BMP6: variants seen among roughly 807,000 people sequenced by gnomAD.
The protein encoded by BMP6 is bone morphogenetic protein 6, also known as VG-1-R.
A neutral mutation model predicts 54.1 loss-of-function variants in BMP6; 17 were observed. That is an observed-to-expected ratio of 0.31 (90% CI 0.22 to 0.47). The LOEUF (loss-of-function observed/expected upper bound fraction) is 0.47, where lower values mean the gene tolerates loss of function less well. Ranked by LOEUF, BMP6 falls within the 20% of genes least tolerant of loss-of-function variation. The pLI is 1.00. For synonymous variants in BMP6, 328 were observed against 291.2 expected (o/e 1.13, Z -1.28); for missense variants, 720 against 690.4 (o/e 1.04, Z -0.48).
intron 1 of BMP6, among the ~76,000 whole-genome samples, chr6:7,745,649 T>G (rs1338917101): frequency 6.6e-6 from 1 of 152,166 alleles, no homozygotes; most frequent in Non-Finnish European, 1.5e-5. Flanking sequence ...CCAGTGTTTA[T>G]TGGTCCCTTT....
At chr6:7,753,179 CT>C (rs1246017620) in intron 1 of BMP6, among the ~76,000 whole-genome samples, 2 of 152,210 alleles carry the variant, frequency 1.3e-5, no homozygotes, top group African/African-American at 4.8e-5. Flanking sequence ...GCACCTGCTA[CT>C]TAATTGATCA....
At chr6:7,851,996 G>T (rs953337851) in intron 2 of BMP6, among the ~76,000 whole-genome samples, 1 of 152,078 alleles carries the variant, frequency 6.6e-6, no homozygotes, top group South Asian at 2.1e-4. Flanking sequence ...GATCACCTAT[G>T]GGTCTATTTC....
At position 7,880,414 on chromosome 6, in the gene BMP6, G is replaced by A. The variant is rs767986591; in HGVS notation, c.*71G>A. On this transcript the variant is annotated 3_prime_UTR_variant, in exon 7 of 7. Coordinates refer to ENST00000283147, the MANE Select transcript of BMP6 (RefSeq NM_001718.6). ...GATTACATCTGCCTTAAAAAAACACGGAAGCACAGTTGGAGGTGGGACGAT... is the reference window on the plus strand; with the variant it reads ...GATTACATCTGCCTTAAAAAAACACAGAAGCACAGTTGGAGGTGGGACGAT... The A allele has an allele frequency of 1.5e-5, 24 of 1,586,978 alleles. No individual in the cohort carries two copies. Among genetic ancestry groups the A allele is most frequent in the South Asian group, 8.9e-5 (8 of 89,472 alleles).
chr6:7,746,248 G>A (rs537708196), intron 1 of BMP6, among the ~76,000 whole-genome samples: 1 of 152,268 alleles, frequency 6.6e-6, no homozygotes, highest in East Asian at 1.9e-4. Flanking sequence ...GTAGGCTGAC[G>A]CCAGATGCTG....
At chr6:7,823,972 G>T (rs554021092) in intron 1 of BMP6, among the ~76,000 whole-genome samples, 1 of 152,202 alleles carries the variant, frequency 6.6e-6, no homozygotes, top group African/African-American at 2.4e-5. Context: ...ATTTTAAAAG[G>T]ATCCTTCTGG....
At chr6:7,759,603 A>G (rs532420605) in intron 1 of BMP6, among the ~76,000 whole-genome samples, 1 of 152,064 alleles carries the variant, frequency 6.6e-6, no homozygotes, top group African/African-American at 2.4e-5. Context: ...TAATGAACAC[A>G]TGAGACTAAA....
intron 1 of BMP6, among the ~76,000 whole-genome samples, chr6:7,754,243 G>A (rs183766913): frequency 7.2e-5 from 11 of 151,856 alleles, no homozygotes; most frequent in East Asian, 5.8e-4. Context: ...TCAGCCTCCC[G>A]AGTAGCTGGG....
intron 4 of BMP6, among the ~76,000 whole-genome samples, chr6:7,874,482 G>A (rs1024791552): frequency 2.0e-5 from 3 of 152,162 alleles, no homozygotes; most frequent in Non-Finnish European, 4.4e-5. Context: ...AAGGCCAGGC[G>A]AGGTGGCTCA....
chr6:7,767,865 T>G (rs1243512531), intron 1 of BMP6, among the ~76,000 whole-genome samples: 1 of 152,142 alleles, frequency 6.6e-6, no homozygotes, highest in East Asian at 1.9e-4. Flanking sequence ...TAGCTAGGCC[T>G]TTGGTGAAGT....
chr6:7,824,848 G>A (rs1245810148), intron 1 of BMP6, among the ~76,000 whole-genome samples: 2 of 152,236 alleles, frequency 1.3e-5, no homozygotes, highest in Non-Finnish European at 2.9e-5. Context: ...ATGAGTGTCA[G>A]TGTTTCCAGT....
At chr6:7,828,458 CAT>C (rs1377937765) in intron 1 of BMP6, among the ~76,000 whole-genome samples, 1 of 152,248 alleles carries the variant, frequency 6.6e-6, no homozygotes, top group African/African-American at 2.4e-5. Context: ...CATTTAGACA[CAT>C]GTCCTGCACA....
chr6:7,824,457 C>A (rs184829694), intron 1 of BMP6, among the ~76,000 whole-genome samples: 82 of 152,196 alleles, frequency 5.4e-4, no homozygotes, highest in Non-Finnish European at 4.4e-5. Flanking sequence ...GATTGATAAA[C>A]AATAGAGGGA....
At chr6:7,819,871 A>T (rs552374115) in intron 1 of BMP6, among the ~76,000 whole-genome samples, 1 of 152,338 alleles carries the variant, frequency 6.6e-6, no homozygotes, top group Non-Finnish European at 1.5e-5. Context: ...TGCAGTGAGT[A>T]ATCTTTTAAT....
intron 1 of BMP6, among the ~76,000 whole-genome samples, chr6:7,835,959 C>T (rs1422067537): frequency 1.3e-5 from 2 of 151,988 alleles, no homozygotes; most frequent in East Asian, 1.9e-4. Context: ...GCCTCAGCCT[C>T]GCGAGTAGCC....
intron 1 of BMP6, among the ~76,000 whole-genome samples, chr6:7,804,464 G>A (rs1758317210): frequency 6.6e-6 from 1 of 152,128 alleles, no homozygotes; most frequent in South Asian, 2.1e-4. Context: ...TCAGGACAGA[G>A]TTTTCAGGCA....
intron 4 of BMP6, among the ~76,000 whole-genome samples, chr6:7,866,224 A>G (rs940356207): frequency 6.6e-6 from 1 of 152,202 alleles, no homozygotes; most frequent in Admixed American, 6.5e-5. Flanking sequence ...TAGCCTCTGC[A>G]TGGTATCATT....
rs552759866 is a variant in BMP6 at position 7,861,257 on chromosome 6, C to G, written c.858-194C>G. On this transcript the variant is annotated intron_variant, in intron 2 of 6. Coordinates refer to ENST00000283147, the MANE Select transcript of BMP6 (RefSeq NM_001718.6). ...GAAGCGCCTTATCAGATGTGCCTGT[C>G]TCTCCTAATTGTGTCATGCCTGTGT... Among the ~76,000 whole-genome samples the G allele has an allele frequency of 2.0e-5, 3 of 152,154 alleles. No individual in the cohort carries two copies. In the South Asian group the frequency reaches 6.2e-4, roughly 32 times the overall value.
intron 1 of BMP6, among the ~76,000 whole-genome samples, chr6:7,800,595 G>A (rs2113197154): frequency 6.6e-6 from 1 of 152,048 alleles, no homozygotes; most frequent in East Asian, 1.9e-4. Context: ...AAGCTCTGGG[G>A]GTTTGATTGT....
chr6:7,881,531 AGTTT>A lies in BMP6; in HGVS notation c.*1189_*1192del, dbSNP rs1561802021. ...AAAGACCAGACTTTTAAAAAAAAAG[AGTTT>A]ATTTAGAAAGTATCATAGTGTAAAC... is the stretch of plus-strand genomic sequence containing the variant. On this transcript the variant is annotated 3_prime_UTR_variant, in exon 7 of 7. Transcript: ENST00000283147. 2.1e-5 allele frequency: 3 copies of A among 144,640 alleles called. No individual in the cohort carries two copies. Among genetic ancestry groups the A allele is most frequent in the South Asian group, 2.1e-4 (1 of 4,800 alleles). 9.0% of individuals were successfully genotyped at this position (144,640 alleles called of 1,614,324 possible).
Sources: gnomAD v4.1 joint callset for allele counts (sites outside exome capture counted in the v4.1 genomes callset) on GRCh38, gnomAD v4.1.1 for gene constraint, MANE v1.5 for transcripts, NCBI Gene and HGNC (gene_info 2026-07-23, HGNC 2026-07-21) for gene names.